The following SYT9 variants were observed in gnomAD, a reference collection of about 807,000 sequenced individuals.
The protein encoded by SYT9 is synaptotagmin 9.
In SYT9, 22 loss-of-function variants were observed where a neutral mutation model predicts 48.4. That is an observed-to-expected ratio of 0.45 (90% confidence interval 0.32 to 0.65). The LOEUF is 0.65. Among genes scored for constraint, SYT9 ranks in the 30% least tolerant of loss-of-function variants. SYT9 has a pLI of 0.03. For missense variants in SYT9, 577 were observed against 622.0 expected (o/e 0.93, Z 0.77); for synonymous variants, 265 against 245.0 (o/e 1.08, Z -0.76).
intron 3 of SYT9, among the ~76,000 whole-genome samples, chr11:7,378,615 C>T (rs1850499230): frequency 6.7e-6 from 1 of 148,508 alleles, no homozygotes; most frequent in African/African-American, 2.5e-5. Flanking sequence ...TCCAGGGAAA[C>T]ATTTAAAAAA....
upstream of SYT9, among the ~76,000 whole-genome samples, chr11:7,247,679 T>TATAC (rs1247450058): frequency 2.5e-3 from 223 of 89,782 alleles, 1 homozygote; most frequent in African/African-American, 6.4e-3. Context: ...TACGTATATA[T>TATAC]GTGTGTATAT....
chr11:7,445,492 C>A (rs1847909905), intron 6 of SYT9, among the ~76,000 whole-genome samples: 1 of 152,160 alleles, frequency 6.6e-6, no homozygotes, highest in Non-Finnish European at 1.5e-5. Context: ...CCTGACCCTA[C>A]CCTCTCATGG....
intron 1 of SYT9, among the ~76,000 whole-genome samples, chr11:7,296,283 G>A (rs1210279995): frequency 2.6e-5 from 4 of 152,230 alleles, no homozygotes; most frequent in Non-Finnish European, 4.4e-5. Context: ...TCTATAACCT[G>A]TGTTTACAGC....
At chr11:7,284,509 A>G (rs1404941442) in intron 1 of SYT9, among the ~76,000 whole-genome samples, 3 of 152,096 alleles carry the variant, frequency 2.0e-5, no homozygotes, top group Non-Finnish European at 2.9e-5. Context: ...TACAATGAAA[A>G]TCATGTTCTC....
chr11:7,247,655 TAC>T (rs1554895396), upstream of SYT9, among the ~76,000 whole-genome samples: 1 of 137,544 alleles, frequency 7.3e-6, no homozygotes, highest in Non-Finnish European at 1.6e-5. Context: ...TATATATATA[TAC>T]ATATGTATAT....
At chr11:7,344,171 C>T (rs994487729) in intron 3 of SYT9, among the ~76,000 whole-genome samples, 1 of 152,146 alleles carries the variant, frequency 6.6e-6, no homozygotes, top group African/African-American at 2.4e-5. Flanking sequence ...TTCTTTGGCA[C>T]ATTCCTCATT....
chr11:7,432,261 C>CGTTA (rs1289887564), intron 6 of SYT9, among the ~76,000 whole-genome samples: 1 of 152,072 alleles, frequency 6.6e-6, no homozygotes, highest in African/African-American at 2.4e-5. Context: ...TAAGATTTAA[C>CGTTA]AACAATCGGG....
Position 7,303,355 on chromosome 11 carries a change from G to A in SYT9, c.462G>A (p.Val154=). 1.2e-6 allele frequency: 2 copies of A among 1,612,158 alleles called. No individual in the cohort carries two copies. Among genetic ancestry groups the A allele is most frequent in the Non-Finnish European group, 1.7e-6 (2 of 1,179,824 alleles). The part of the protein sequence containing the change: ...IQENCAHGVR[V]QRQVTEPTSS... ...AGAACTGTGCCCATGGCGTCCGCGT[G>A]CAGCGCCAAGTCACAGAGCCAACCT... is the stretch of plus-strand genomic sequence containing the variant. The change falls in exon 2 of 7, where the codon GTG becomes GTA. Residue 154 remains valine, a synonymous_variant. Transcript: ENST00000318881.
At chr11:7,317,435 C>CT (rs1423462317) in intron 3 of SYT9, among the ~76,000 whole-genome samples, 5 of 152,150 alleles carry the variant, frequency 3.3e-5, no homozygotes, top group Non-Finnish European at 7.3e-5. Context: ...TGGTGAGGCT[C>CT]TCTTCCTGGC....
intron 3 of SYT9, among the ~76,000 whole-genome samples, chr11:7,372,515 A>G (rs1850380565): frequency 6.6e-6 from 1 of 152,064 alleles, no homozygotes; most frequent in African/African-American, 2.4e-5. Flanking sequence ...GTCTCATTAC[A>G]TTGCCCAGGC....
chr11:7,270,118 A>G (rs563940882), intron 1 of SYT9, among the ~76,000 whole-genome samples: 9 of 152,226 alleles, frequency 5.9e-5, no homozygotes, highest in Non-Finnish European at 1.3e-4. Flanking sequence ...CCTTTTGGAG[A>G]GAGTGTATCA....
At chr11:7,280,791 G>A (rs562575500) in intron 1 of SYT9, among the ~76,000 whole-genome samples, 13 of 150,006 alleles carry the variant, frequency 8.7e-5, no homozygotes, top group Non-Finnish European at 1.5e-4. Context: ...TACTATAGAC[G>A]TAAGTGGAGA....
intron 1 of SYT9, among the ~76,000 whole-genome samples, chr11:7,278,482 A>G (rs1011052753): frequency 6.6e-6 from 1 of 152,206 alleles, no homozygotes; most frequent in Non-Finnish European, 1.5e-5. Context: ...AGATTCTGCA[A>G]CATTGTCTTG....
chr11:7,328,377 T>G (rs1849472558), intron 3 of SYT9, among the ~76,000 whole-genome samples: 1 of 152,152 alleles, frequency 6.6e-6, no homozygotes, highest in South Asian at 2.1e-4. Context: ...TTTGACCCCA[T>G]TTTACTTTCT....
chr11:7,352,299 A>G (rs1849932363), intron 3 of SYT9, among the ~76,000 whole-genome samples: 1 of 152,194 alleles, frequency 6.6e-6, no homozygotes, highest in East Asian at 1.9e-4. Flanking sequence ...GGCACATCAG[A>G]GATGGAGAGG....
intron 3 of SYT9, among the ~76,000 whole-genome samples, chr11:7,358,030 C>A (rs985902066): frequency 4.6e-5 from 7 of 151,852 alleles, no homozygotes; most frequent in African/African-American, 1.7e-4. Flanking sequence ...AAAACACTGG[C>A]TTTTAGGACT....
At position 7,467,014 on chromosome 11, in the gene SYT9, G is replaced by T. The variant is rs186711603; in HGVS notation, c.*214G>T. ...TGCAGGTGGCCCAAGGTGATGTGCT[G>T]CAGGGAAGCATGTCTCTCATGCCAA... On this transcript the variant is annotated 3_prime_UTR_variant, in exon 7 of 7. Coordinates refer to ENST00000318881, the MANE Select transcript of SYT9 (RefSeq NM_175733.4). The T allele has an allele frequency of 6.2e-5, 36 of 576,540 alleles. 1 individual carries two copies. In the Admixed American group the frequency reaches 1.1e-3, roughly 17 times the overall value. The allele number at this position is 576,540 out of a possible 1,614,324, so 35.7% of individuals were successfully genotyped here.
chr11:7,400,620 C>A lies in SYT9; in HGVS notation c.1045-15422C>A, dbSNP rs1364177991. Among the ~76,000 whole-genome samples, 59 of 152,146 alleles carry A rather than the reference C, an allele frequency of 3.9e-4. 1 individual carries two copies. The highest frequency in any genetic ancestry group is 3.9e-3 in the Admixed American group (59 of 15,264). ...AGGTTTATTGAAGCACTCACTAGAGCAGCATGCATTTATAAGACAACTAGA... is the reference window on the plus strand; with the variant it reads ...AGGTTTATTGAAGCACTCACTAGAGAAGCATGCATTTATAAGACAACTAGA... On this transcript the variant is annotated intron_variant, in intron 3 of 6. Coordinates refer to ENST00000318881, the MANE Select transcript of SYT9 (RefSeq NM_175733.4).
chr11:7,275,085 C>T (rs771925466), intron 1 of SYT9, among the ~76,000 whole-genome samples: 1 of 151,948 alleles, frequency 6.6e-6, no homozygotes, highest in Non-Finnish European at 1.5e-5. Context: ...CACACCAAGA[C>T]TGCACAGAGC....
Sources: gnomAD v4.1 joint callset for allele counts (sites outside exome capture counted in the v4.1 genomes callset) on GRCh38, gnomAD v4.1.1 for gene constraint, MANE v1.5 for transcripts, NCBI Gene and HGNC (gene_info 2026-07-23, HGNC 2026-07-21) for gene names.